Variants in PPP4R2 observed in about 807,000 individuals in gnomAD.
PPP4R2 encodes serine/threonine-protein phosphatase 4 regulatory subunit 2.
A neutral mutation model predicts 47.2 loss-of-function variants in PPP4R2; 13 were observed. That is an observed-to-expected ratio of 0.28 (90% CI 0.18 to 0.44). PPP4R2 has a LOEUF of 0.44. PPP4R2 is among the 20% of genes least tolerant of loss of function. PPP4R2 has a pLI of 1.00. For missense variants in PPP4R2, 421 were observed against 491.2 expected, an observed-to-expected ratio of 0.86 and a Z score of 1.35; for synonymous variants, 151 against 163.3, an observed-to-expected ratio of 0.92 and a Z score of 0.57.
intron 2 of PPP4R2, among the ~76,000 whole-genome samples, chr3:73,020,906 C>T (rs886386324): frequency 2.6e-5 from 4 of 151,826 alleles, no homozygotes; most frequent in African/African-American, 4.8e-5. Context: ...GGTCCTAATC[C>T]GATTATGAGG....
chr3:73,028,566 G>A (rs1312003412), intron 2 of PPP4R2, among the ~76,000 whole-genome samples: 4 of 151,920 alleles, frequency 2.6e-5, no homozygotes, highest in Non-Finnish European at 5.9e-5. Flanking sequence ...TCAGCCTCCC[G>A]AGTAGCTGGG....
At chr3:73,023,592 T>C (rs1023848133) in intron 2 of PPP4R2, among the ~76,000 whole-genome samples, 1 of 152,256 alleles carries the variant, frequency 6.6e-6, no homozygotes, top group Non-Finnish European at 1.5e-5. Context: ...ATATGTTTTT[T>C]ATTACAAAAG....
intron 3 of PPP4R2, among the ~76,000 whole-genome samples, chr3:73,053,908 C>CAAAAAA (rs10631666): frequency 4.0e-4 from 41 of 103,598 alleles, no homozygotes; most frequent in Admixed American, 6.7e-4. Context: ...GACACCATCT[C>CAAAAAA]AAAAAAAAAA....
At chr3:73,042,199 G>A (rs1034752819) in intron 2 of PPP4R2, among the ~76,000 whole-genome samples, 10 of 152,168 alleles carry the variant, frequency 6.6e-5, no homozygotes, top group South Asian at 2.1e-4. Flanking sequence ...TATGTCTTAT[G>A]AGCATCTTTT....
intron 2 of PPP4R2, among the ~76,000 whole-genome samples, chr3:73,011,702 AAAAACTT>A (rs1701728203): frequency 6.6e-6 from 1 of 152,168 alleles, no homozygotes; most frequent in Admixed American, 6.5e-5. Context: ...CCTCAAGGAA[AAAAACTT>A]TTAAGTAATT....
intron 2 of PPP4R2, among the ~76,000 whole-genome samples, chr3:73,029,449 G>A (rs1311808013): frequency 2.0e-5 from 3 of 152,138 alleles, no homozygotes; most frequent in Non-Finnish European, 4.4e-5. Context: ...TATTTTGAAG[G>A]TACAACCAAC....
chr3:73,022,069 G>A (rs1388013719), intron 2 of PPP4R2, among the ~76,000 whole-genome samples: 1 of 151,728 alleles, frequency 6.6e-6, no homozygotes, highest in East Asian at 1.9e-4. Flanking sequence ...GGTAGTTTTT[G>A]TATTTTTGGT....
chr3:73,063,867 ATTAG>A, intron 6 of PPP4R2, 120 bp downstream of exon 6: 3 of 1,092,834 alleles, frequency 2.7e-6, no homozygotes, highest in Non-Finnish European at 4.1e-6. Context: ...ACTACATAGA[ATTAG>A]TTAATTTGGT....
At chr3:73,004,609 T>C (rs572067079) in intron 2 of PPP4R2, among the ~76,000 whole-genome samples, 5 of 152,222 alleles carry the variant, frequency 3.3e-5, no homozygotes, top group Non-Finnish European at 7.4e-5. Context: ...GGCTAATTTT[T>C]GTGTTTTCTG....
rs1487620135 is a variant in PPP4R2 at position 73,069,078 on chromosome 3, T to TA, written c.*3357dup. On this transcript the variant is annotated 3_prime_UTR_variant, in exon 9 of 9. Coordinates refer to ENST00000356692, the MANE Select transcript of PPP4R2 (RefSeq NM_174907.4). ...AGTATGTATTGGTTAGACTACATCT[T>TA]ACTATTTCACATTTTAAAAATCAGT... The TA allele has an allele frequency of 1.3e-5, 2 of 152,210 alleles. No homozygotes were observed. Among genetic ancestry groups the TA allele is most frequent in the African/African-American group, 2.4e-5 (1 of 41,450 alleles). 9.4% of individuals were successfully genotyped at this position (152,210 alleles called of 1,614,324 possible). A position where few individuals can be genotyped will look rare whatever the true frequency, so the allele number is the denominator to read the frequency against.
chr3:72,997,331 T>A (rs1473088816), intron 1 of PPP4R2: 5 of 381,086 alleles, frequency 1.3e-5, no homozygotes, highest in Non-Finnish European at 2.4e-5. Context: ...GCCCCAGTCT[T>A]TCTCCCACCC....
At chr3:73,059,937 A>G (rs1040290414) in intron 4 of PPP4R2, among the ~76,000 whole-genome samples, 9 of 29,500 alleles carry the variant, frequency 3.1e-4, no homozygotes, top group Non-Finnish European at 6.6e-4. Flanking sequence ...TCTGTCTCAG[A>G]AAAAAAAAAA....
chr3:73,037,371 T>G lies in PPP4R2; in HGVS notation c.117-9815T>G, dbSNP rs562486021. On this transcript the variant is annotated intron_variant, in intron 2 of 8. Transcript: ENST00000356692. Reference sequence around the variant, plus strand: ...TATTCCTCAAATTTTGTGACTTTGATCTTGGCAGTTCTGATTTCCCCAGCC... The same window carrying G: ...TATTCCTCAAATTTTGTGACTTTGAGCTTGGCAGTTCTGATTTCCCCAGCC... 5.3e-5 allele frequency among the ~76,000 whole-genome samples: 8 copies of G among 152,372 alleles called. No individual in the cohort carries two copies. The South Asian group carries it at 1.7e-3, about 32-fold the overall frequency.
intron 2 of PPP4R2, among the ~76,000 whole-genome samples, chr3:73,003,239 TCTCA>T (rs1449072046): frequency 1.3e-5 from 2 of 149,794 alleles, no homozygotes; most frequent in Non-Finnish European, 3.0e-5. Context: ...TGAGACAGAG[TCTCA>T]CTCTGTTGCC....
At chr3:73,014,226 A>G (rs1199272958) in intron 2 of PPP4R2, among the ~76,000 whole-genome samples, 1 of 130,734 alleles carries the variant, frequency 7.6e-6, no homozygotes, top group Non-Finnish European at 1.8e-5. Flanking sequence ...CTAGCAGTAT[A>G]TGAAAGTTAT....
intron 2 of PPP4R2, among the ~76,000 whole-genome samples, chr3:73,026,550 CATA>C (rs1232447988): frequency 6.6e-6 from 1 of 152,178 alleles, no homozygotes; most frequent in African/African-American, 2.4e-5. Flanking sequence ...TTTCTTACCA[CATA>C]ATAGCTTAGG....
At chr3:73,052,747 T>C (rs1702644169) in intron 3 of PPP4R2, among the ~76,000 whole-genome samples, 1 of 152,230 alleles carries the variant, frequency 6.6e-6, no homozygotes, top group African/African-American at 2.4e-5. Flanking sequence ...CTAAGTCCTC[T>C]CTAAAGTAGG....
At chr3:73,041,555 T>C (rs1378884566) in intron 2 of PPP4R2, among the ~76,000 whole-genome samples, 1 of 152,238 alleles carries the variant, frequency 6.6e-6, no homozygotes, top group Non-Finnish European at 1.5e-5. Context: ...TAATGAATGA[T>C]CATCTCCATT....
chr3:72,999,467 G>A (rs1701416739), intron 2 of PPP4R2, among the ~76,000 whole-genome samples: 1 of 152,156 alleles, frequency 6.6e-6, no homozygotes, highest in South Asian at 2.1e-4. Context: ...TGTCAACAAT[G>A]TCAAGCCAAA....
Sources: allele counts gnomAD v4.1 joint callset (sites outside exome capture counted in the v4.1 genomes callset), GRCh38; gene constraint gnomAD v4.1.1; transcripts MANE v1.5; gene names NCBI Gene and HGNC (gene_info 2026-07-23, HGNC 2026-07-21).